Variants in RTN4RL1 observed in about 807,000 individuals in gnomAD.
The protein encoded by RTN4RL1 is reticulon 4 receptor like 1, also known as reticulon-4 receptor-like 1.
Under a neutral mutation model 25.6 loss-of-function variants are expected in RTN4RL1, and 7 were observed. The ratio of observed to expected loss-of-function variants is 0.27; its 90% CI spans 0.16 to 0.51. RTN4RL1 has a LOEUF of 0.51. Among genes scored for constraint, RTN4RL1 ranks in the 20% least tolerant of loss-of-function variants. The probability of loss-of-function intolerance (pLI) is 0.97; values close to 1 mark genes in which losing one functional copy is unlikely to be tolerated. For synonymous variants in RTN4RL1, 297 were observed against 288.2 expected, an observed-to-expected ratio of 1.03 and a Z score of -0.31; for missense variants, 500 against 615.6, an observed-to-expected ratio of 0.81 and a Z score of 1.99.
chr17:1,983,626 C>T (rs2066876391), intron 1 of RTN4RL1, among the ~76,000 whole-genome samples: 1 of 152,110 alleles, frequency 6.6e-6, no homozygotes, highest in Non-Finnish European at 1.5e-5. Context: ...TGGTCTCAAA[C>T]TCCTGAGCTC....
At chr17:1,995,896 AGC>A (rs2066927495) in intron 1 of RTN4RL1, among the ~76,000 whole-genome samples, 1 of 152,238 alleles carries the variant, frequency 6.6e-6, no homozygotes, top group African/African-American at 2.4e-5. Flanking sequence ...CTGCAGAGCC[AGC>A]GTCTCCCCTG....
intron 1 of RTN4RL1, among the ~76,000 whole-genome samples, chr17:2,001,888 C>A (rs185387370): frequency 1.9e-4 from 29 of 151,004 alleles, no homozygotes; most frequent in Middle Eastern, 3.2e-3. Flanking sequence ...CAGCTCCCCC[C>A]GTCCCCGGCT....
chr17:1,958,019 T>TA (rs1396732434), intron 1 of RTN4RL1, among the ~76,000 whole-genome samples: 3 of 150,228 alleles, frequency 2.0e-5, no homozygotes, highest in Admixed American at 1.3e-4. Flanking sequence ...CTACAAAAAC[T>TA]AAAAAAATAA....
chr17:2,018,600 G>A (rs1287297383), intron 1 of RTN4RL1, among the ~76,000 whole-genome samples: 1 of 152,226 alleles, frequency 6.6e-6, no homozygotes, highest in East Asian at 1.9e-4. Flanking sequence ...ATGGGCACGT[G>A]AGACAGTGGA....
chr17:1,985,411 C>T (rs566982067), intron 1 of RTN4RL1, among the ~76,000 whole-genome samples: 11 of 152,308 alleles, frequency 7.2e-5, no homozygotes, highest in African/African-American at 1.7e-4. Context: ...AGATGGGAAA[C>T]GAAGATCCCA....
At chr17:1,996,069 G>C (rs1488922468) in intron 1 of RTN4RL1, among the ~76,000 whole-genome samples, 2 of 152,208 alleles carry the variant, frequency 1.3e-5, no homozygotes, top group Non-Finnish European at 2.9e-5. Context: ...CAGGCTGCCT[G>C]GCAGGAGAAG....
At chr17:1,989,237 T>C (rs183002198) in intron 1 of RTN4RL1, among the ~76,000 whole-genome samples, 1 of 151,950 alleles carries the variant, frequency 6.6e-6, no homozygotes, top group East Asian at 1.9e-4. Context: ...TGATGGAAGA[T>C]GACGAGGGAG....
At chr17:2,002,519 C>T (rs2066966247) in intron 1 of RTN4RL1, among the ~76,000 whole-genome samples, 1 of 151,512 alleles carries the variant, frequency 6.6e-6, no homozygotes. Flanking sequence ...GTCTCAATCT[C>T]CTGACCTCGT....
At chr17:2,014,847 A>C (rs2067099718) in intron 1 of RTN4RL1, among the ~76,000 whole-genome samples, 2 of 152,076 alleles carry the variant, frequency 1.3e-5, no homozygotes, top group Admixed American at 1.3e-4. Flanking sequence ...AAAAAAAAAA[A>C]AAGAACATGA....
rs7211355 is a variant in RTN4RL1, at chr17:1,944,322, G to A, written c.14-6514C>T. ...CGTGGCCCTCTTGTCTGCGGACGTC[G>A]GCCTCCCCCACATCTCCATCTGTCA... On this transcript the variant is annotated intron_variant, in intron 1 of 1. Coordinates refer to ENST00000331238, the MANE Select transcript of RTN4RL1 (RefSeq NM_178568.4). Among the ~76,000 whole-genome samples the A allele has an allele frequency of 2.9e-3, 438 of 152,188 alleles. 1 individual carries two copies. Among genetic ancestry groups the A allele is most frequent in the Non-Finnish European group, 4.9e-3 (330 of 68,002 alleles).
At chr17:2,016,962 C>G (rs1280532416) in intron 1 of RTN4RL1, among the ~76,000 whole-genome samples, 4 of 152,212 alleles carry the variant, frequency 2.6e-5, no homozygotes, top group Admixed American at 1.3e-4. Context: ...GTAGGAGTCA[C>G]CCCACTAAAT....
At chr17:1,945,087 A>C (rs1029154141) in intron 1 of RTN4RL1, among the ~76,000 whole-genome samples, 8 of 152,030 alleles carry the variant, frequency 5.3e-5, no homozygotes, top group Admixed American at 5.2e-4. Context: ...AGCCTTTTGC[A>C]CGTGCTGTTC....
At position 2,024,715 on chromosome 17, in the gene RTN4RL1, CG is replaced by C. The variant is rs1209344715; in HGVS notation, c.13+137del. On this transcript the variant is annotated intron_variant, in intron 1 of 1. Transcript: ENST00000331238. ...CTGAGCCCCAGCAGCAGCCCCTCGGCGGGTGCGCCCGGCAAAACCCACCAGC... is the reference window on the plus strand; with the variant it reads ...CTGAGCCCCAGCAGCAGCCCCTCGGCGGTGCGCCCGGCAAAACCCACCAGC... The C allele has an allele frequency of 4.0e-6, 3 of 744,310 alleles. No homozygotes were observed. In the African/African-American group the frequency reaches 5.6e-5, roughly 14 times the overall value. The allele number at this position is 744,310 out of a possible 1,614,324, so 46.1% of individuals were successfully genotyped here.
chr17:1,949,169 G>A (rs1915625791), intron 1 of RTN4RL1, among the ~76,000 whole-genome samples: 1 of 151,990 alleles, frequency 6.6e-6, no homozygotes, highest in Non-Finnish European at 1.5e-5. Flanking sequence ...TCTTGTGTTA[G>A]CCAGGGTGTT....
chr17:1,992,680 G>A (rs920224850), intron 1 of RTN4RL1, among the ~76,000 whole-genome samples: 3 of 152,262 alleles, frequency 2.0e-5, no homozygotes, highest in Admixed American at 2.0e-4. Context: ...ACTGAAGTGG[G>A]AGCCTGCTCA....
At chr17:1,944,877 C>T (rs1337389804) in intron 1 of RTN4RL1, among the ~76,000 whole-genome samples, 2 of 152,214 alleles carry the variant, frequency 1.3e-5, no homozygotes, top group African/African-American at 4.8e-5. Flanking sequence ...GCCCCAACCT[C>T]GCCCCTGTAT....
intron 1 of RTN4RL1, among the ~76,000 whole-genome samples, chr17:1,945,220 G>A (rs1915512500): frequency 6.6e-6 from 1 of 152,022 alleles, no homozygotes; most frequent in Non-Finnish European, 1.5e-5. Flanking sequence ...GAGCAACCTG[G>A]TGGTTTTGTT....
rs1038719659 is a variant in RTN4RL1 at position 1,952,931 on chromosome 17, G to T, written c.14-15123C>A. Among the ~76,000 whole-genome samples the T allele has an allele frequency of 2.6e-5, 4 of 151,744 alleles. No individual in the cohort carries two copies. In the East Asian group the frequency reaches 7.9e-4, roughly 30 times the overall value. Reference sequence around the variant, plus strand: ...ATCTCTACTAAAAATGCAAAAATTAGTCGGGTGTGGTGGCGTGCCTCTGTA... The same window carrying T: ...ATCTCTACTAAAAATGCAAAAATTATTCGGGTGTGGTGGCGTGCCTCTGTA... On this transcript the variant is annotated intron_variant, in intron 1 of 1. Transcript: ENST00000331238.
intron 1 of RTN4RL1, among the ~76,000 whole-genome samples, chr17:1,999,659 C>T (rs914255294): frequency 3.5e-5 from 4 of 112,704 alleles, no homozygotes; most frequent in African/African-American, 1.1e-4. Context: ...CTGCAGTGCC[C>T]ACTCCCTATA....
Sources: gnomAD v4.1 joint callset for allele counts (sites outside exome capture counted in the v4.1 genomes callset) on GRCh38, gnomAD v4.1.1 for gene constraint, MANE v1.5 for transcripts, NCBI Gene and HGNC (gene_info 2026-07-23, HGNC 2026-07-21) for gene names.